The following IQSEC1 variants were observed in gnomAD, a reference collection of about 807,000 sequenced individuals.
The protein encoded by IQSEC1 is IQ motif and Sec7 domain ArfGEF 1, also known as IQ motif and SEC7 domain-containing protein 1.
IQSEC1 carries 31 observed loss-of-function variants against 91.0 expected under a neutral mutation model. The ratio of observed to expected loss-of-function variants is 0.34; its 90% CI spans 0.26 to 0.46. IQSEC1 has a LOEUF of 0.46. Ranked by LOEUF, IQSEC1 falls within the 20% of genes least tolerant of loss-of-function variation. The pLI, the probability that IQSEC1 is intolerant of heterozygous loss-of-function variation, is 1.00. For missense variants in IQSEC1, 1,388 were observed against 1,575.6 expected, an observed-to-expected ratio of 0.88 and a Z score of 2.02; for synonymous variants, 699 against 662.6, an observed-to-expected ratio of 1.05 and a Z score of -0.84.
intron 2 of IQSEC1, among the ~76,000 whole-genome samples, chr3:13,101,991 C>T (rs1490314143): frequency 2.0e-5 from 3 of 151,980 alleles, no homozygotes; most frequent in Non-Finnish European, 1.5e-5. Context: ...CATGAGCCAT[C>T]GATTAATAAA....
At chr3:13,226,620 C>T (rs1042142063) in intron 1 of IQSEC1, among the ~76,000 whole-genome samples, 1 of 152,046 alleles carries the variant, frequency 6.6e-6, no homozygotes, top group African/African-American at 2.4e-5. Flanking sequence ...AAAAATTTGC[C>T]TCATCAACCC....
In IQSEC1 at chr3:13,147,226, T is replaced by G. The variant is rs578051566; in HGVS notation, c.302+16878A>C. On this transcript the variant is annotated intron_variant, in intron 2 of 15. Transcript: ENST00000648114. ...GCGGTTTTTGGTTATGTGGATGAAT[T>G]GTATAGTGGTGAATTCTGAGACTTC... Among the ~76,000 whole-genome samples the G allele has an allele frequency of 9.8e-5, 15 of 152,302 alleles. No individual in the cohort carries two copies. The South Asian group carries it at 3.1e-3, about 32-fold the overall frequency.
At chr3:13,225,878 AT>A (rs59308345) in intron 1 of IQSEC1, among the ~76,000 whole-genome samples, 37,362 of 150,210 alleles carry the variant, frequency 0.25, 4,953 homozygotes, top group Non-Finnish European at 0.31. Flanking sequence ...TAATTCATCA[AT>A]TTTTTTTTTT....
At chr3:12,968,312 G>A (rs112346078) in intron 1 of IQSEC1, among the ~76,000 whole-genome samples, 5 of 152,122 alleles carry the variant, frequency 3.3e-5, no homozygotes, top group African/African-American at 1.2e-4. Context: ...CTTTTTGGGG[G>A]AAGATCTAAT....
At chr3:13,178,242 T>C (rs553766185) in intron 1 of IQSEC1, among the ~76,000 whole-genome samples, 13 of 152,352 alleles carry the variant, frequency 8.5e-5, no homozygotes, top group African/African-American at 2.9e-4. Flanking sequence ...GTGCTGGAGA[T>C]TCACTGGTGG....
chr3:13,164,864 A>G (rs754040253), intron 1 of IQSEC1, among the ~76,000 whole-genome samples: 10 of 152,244 alleles, frequency 6.6e-5, no homozygotes, highest in Non-Finnish European at 1.0e-4. Context: ...ACATTCAGGA[A>G]TCTAATCCCT....
At chr3:12,919,328 G>A (rs1036094783) in intron 6 of IQSEC1, among the ~76,000 whole-genome samples, 5 of 152,188 alleles carry the variant, frequency 3.3e-5, no homozygotes, top group Admixed American at 3.3e-4. Context: ...TCTAAGCCAC[G>A]CCCCAGCCTG....
intron 1 of IQSEC1, among the ~76,000 whole-genome samples, chr3:13,018,985 GT>G (rs1703271530): frequency 2.0e-5 from 3 of 152,306 alleles, no homozygotes; most frequent in South Asian, 2.1e-4. Flanking sequence ...CAAGGAGGGG[GT>G]GCCACAGCCA....
At chr3:13,167,636 G>C (rs917062467) in intron 1 of IQSEC1, among the ~76,000 whole-genome samples, 12 of 152,164 alleles carry the variant, frequency 7.9e-5, no homozygotes, top group African/African-American at 2.9e-4. Context: ...GTGCTCCCCG[G>C]ACAAGGAGAG....
At chr3:13,074,272 G>A (rs1705525615), upstream of IQSEC1, among the ~76,000 whole-genome samples, 1 of 152,168 alleles carries the variant, frequency 6.6e-6, no homozygotes, top group African/African-American at 2.4e-5. Flanking sequence ...CAAGAAGCAG[G>A]GGAGGAGCTG....
chr3:13,196,749 CGTGTGTGTGTGTGTGTGTGTGT>C (rs5846802), intron 1 of IQSEC1, among the ~76,000 whole-genome samples: 1 of 148,386 alleles, frequency 6.7e-6, no homozygotes, highest in African/African-American at 2.5e-5. Context: ...CATGTGTGTG[CGTGTGTGTGTGTGTGTGTGTGT>C]GTGTGTGTGT....
intron 1 of IQSEC1, among the ~76,000 whole-genome samples, chr3:13,197,082 A>C (rs1694143376): frequency 6.6e-6 from 1 of 151,984 alleles, no homozygotes; most frequent in African/African-American, 2.4e-5. Context: ...TGGACCATAG[A>C]CCAAGACAGC....
rs192946530 is a variant in IQSEC1 at position 13,060,904 on chromosome 3, G to T, written c.23+12088C>A. Among the ~76,000 whole-genome samples, 1,213 of 152,250 alleles carry T rather than the reference G, an allele frequency of 8.0e-3. 22 individuals carry two copies. The highest frequency in any genetic ancestry group is 0.028 in the African/African-American group (1,150 of 41,562). ...GAGTCTAAATCCCACCTCAGCCCAGGGGGGAGCCTTGAGAGGAGCTATGTC... is the reference window on the plus strand; with the variant it reads ...GAGTCTAAATCCCACCTCAGCCCAGTGGGGAGCCTTGAGAGGAGCTATGTC... On this transcript the variant is annotated intron_variant, in intron 1 of 13. Transcript: ENST00000613206.
At chr3:13,100,603 G>A (rs1706039439) in intron 2 of IQSEC1, among the ~76,000 whole-genome samples, 2 of 148,744 alleles carry the variant, frequency 1.3e-5, no homozygotes, top group Non-Finnish European at 3.0e-5. Flanking sequence ...CAGCGGTTGG[G>A]AGTGGGTGAG....
rs372054494 is a variant in IQSEC1 at position 13,042,647 on chromosome 3, G to C, written c.23+30345C>G. On this transcript the variant is annotated intron_variant, in intron 1 of 13. Transcript: ENST00000613206. ...GGTGCCTCCGAGGGCTTCCCTGGGG[G>C]TCCCTGGGACACACCAAGGCAGCTC... Among the ~76,000 whole-genome samples the C allele has an allele frequency of 4.6e-5, 7 of 152,334 alleles. No homozygotes were observed. The South Asian group carries it at 8.3e-4, about 18-fold the overall frequency.
chr3:13,241,006 G>GCCA (rs1448331201), intron 1 of IQSEC1, among the ~76,000 whole-genome samples: 4 of 152,152 alleles, frequency 2.6e-5, no homozygotes, highest in Admixed American at 1.3e-4. Flanking sequence ...GTTTGGCAGT[G>GCCA]CACAGGTGGG....
At chr3:12,954,475 G>T (rs1424707791) in intron 1 of IQSEC1, among the ~76,000 whole-genome samples, 1 of 152,216 alleles carries the variant, frequency 6.6e-6, no homozygotes, top group Admixed American at 6.5e-5. Flanking sequence ...CGTCTGATGG[G>T]GGCTGCGTGG....
chr3:12,902,749 TG>T, intron 13 of IQSEC1, 23 bp downstream of exon 13: 2 of 1,559,528 alleles, frequency 1.3e-6, no homozygotes, highest in Non-Finnish European at 1.8e-6. Context: ...GACAGCCAGC[TG>T]GACAGAGGCG....
At position 12,941,722 on chromosome 3, in the gene IQSEC1, G is replaced by C. The variant is rs1349493270; in HGVS notation, c.167C>G (p.Ser56Trp). ...GCGCTGCTGTTGCCCCGGCGGCCCCGAGTACAGCCCATAGGCTCCCACTGA... is the reference window on the plus strand; with the variant it reads ...GCGCTGCTGTTGCCCCGGCGGCCCCCAGTACAGCCCATAGGCTCCCACTGA... The part of the protein sequence containing the change: ...HTSVGAYGLY[S>W]GPPGQQQRTR... Residue 56 changes from serine to tryptophan, a missense_variant, in exon 2 of 14, where the codon TCG (serine) becomes TGG (tryptophan). This residue lies in a region of IQSEC1 where 1,059 missense variants were observed against 1,317.8 expected (regional missense o/e 0.80). Transcript: ENST00000613206. 6.2e-7 allele frequency: 1 copy of C among 1,612,400 alleles called. No individual in the cohort carries two copies. The highest frequency in any genetic ancestry group is 8.5e-7 in the Non-Finnish European group (1 of 1,179,972).
Sources: allele counts gnomAD v4.1 joint callset (sites outside exome capture counted in the v4.1 genomes callset), GRCh38; gene constraint gnomAD v4.1.1; regional missense constraint gnomAD v4.1.1; transcripts MANE v1.5; gene names NCBI Gene and HGNC (gene_info 2026-07-23, HGNC 2026-07-21).